ERC2: variants seen among roughly 807,000 people sequenced by gnomAD.
ERC2 encodes ELKS/RAB6-interacting/CAST family member 2, also known as ERC protein 2.
Under a neutral mutation model 114.8 loss-of-function variants are expected in ERC2, and 42 were observed. The ratio of observed to expected loss-of-function variants is 0.37; its 90% confidence interval spans 0.29 to 0.47. The LOEUF is 0.47. Ranked by LOEUF, ERC2 falls within the 20% of genes least tolerant of loss-of-function variation. ERC2 has a pLI of 0.99. For missense variants in ERC2, 939 were observed against 1,150.7 expected, an observed-to-expected ratio of 0.82 and a Z score of 2.66; for synonymous variants, 454 against 425.5, an observed-to-expected ratio of 1.07 and a Z score of -0.82.
At chr3:55,579,510 A>G (rs544283437) in intron 17 of ERC2, among the ~76,000 whole-genome samples, 1 of 152,366 alleles carries the variant, frequency 6.6e-6, no homozygotes, top group African/African-American at 2.4e-5. Flanking sequence ...TTTGCTGCAC[A>G]TGCTTGCTCT....
At chr3:55,586,834 C>T (rs1575670376) in intron 17 of ERC2, among the ~76,000 whole-genome samples, 1 of 152,278 alleles carries the variant, frequency 6.6e-6, no homozygotes, top group African/African-American at 2.4e-5. Flanking sequence ...ATTTAAAACA[C>T]TTATGTAGCC....
chr3:56,128,926 T>C (rs1289472829), intron 6 of ERC2, among the ~76,000 whole-genome samples: 1 of 152,236 alleles, frequency 6.6e-6, no homozygotes, highest in South Asian at 2.1e-4. Flanking sequence ...AGTAGTATTG[T>C]AGGAGCCAGA....
At chr3:56,039,780 C>G (rs2075022594) in intron 7 of ERC2, among the ~76,000 whole-genome samples, 1 of 152,130 alleles carries the variant, frequency 6.6e-6, no homozygotes, top group African/African-American at 2.4e-5. Flanking sequence ...CAGTAAGGTG[C>G]TGGCATAAAA....
intron 7 of ERC2, among the ~76,000 whole-genome samples, chr3:56,023,767 A>AAAGGAAGGAAGGAAGGAAGGAAGG (rs768746262): frequency 0.047 from 2,352 of 49,580 alleles, 54 homozygotes; most frequent in African/African-American, 0.056. Context: ...ATGAATGAAA[A>AAAGGAAGGAAGGAAGGAAGGAAGG]AAGGAATGAA....
At chr3:56,300,290 A>G (rs1217831370) in intron 2 of ERC2, among the ~76,000 whole-genome samples, 15 of 151,796 alleles carry the variant, frequency 9.9e-5, no homozygotes, top group Non-Finnish European at 1.8e-4. Flanking sequence ...CAAAAAAAAA[A>G]AAAAAGAAAA....
rs1178172687 is a variant in ERC2 at position 56,170,585 on chromosome 3, G to GTTT, written c.1149+2858_1149+2860dup. ...CAATTTAGTCTAAGAAATCTCTTCT[G>GTTT]TTTTTTTTTTTTTTTTTTTTTTTTT... is the stretch of plus-strand genomic sequence containing the variant. On this transcript the variant is annotated intron_variant, in intron 4 of 17. Coordinates refer to ENST00000288221, the MANE Select transcript of ERC2 (RefSeq NM_015576.3). Among the ~76,000 whole-genome samples, 113 of 61,754 alleles carry GTTT rather than the reference G, an allele frequency of 1.8e-3. 11 individuals are homozygous for GTTT. The highest frequency in any genetic ancestry group is 6.1e-3 in the African/African-American group (98 of 16,156). The allele number at this position is 61,754 out of a possible 152,430, so 40.5% of individuals were successfully genotyped here.
At chr3:55,768,701 C>G (rs904754975) in intron 14 of ERC2, among the ~76,000 whole-genome samples, 5 of 151,978 alleles carry the variant, frequency 3.3e-5, no homozygotes, top group Non-Finnish European at 5.9e-5. Context: ...CGCTGTGAGG[C>G]AAGTATGAGC....
chr3:56,031,937 T>C (rs748023909), intron 7 of ERC2, among the ~76,000 whole-genome samples: 6 of 152,194 alleles, frequency 3.9e-5, no homozygotes. Context: ...TGGAGCCTAA[T>C]GGGAGGTGTT....
At chr3:56,059,096 TA>T (rs1415088471) in intron 7 of ERC2, among the ~76,000 whole-genome samples, 7 of 85,876 alleles carry the variant, frequency 8.2e-5, no homozygotes, top group African/African-American at 2.3e-4. Flanking sequence ...TTATTTTTTT[TA>T]TTTTTTTTTT....
chr3:56,282,957 G>C (rs1028895579), intron 3 of ERC2, among the ~76,000 whole-genome samples: 1 of 152,172 alleles, frequency 6.6e-6, no homozygotes, highest in Non-Finnish European at 1.5e-5. Context: ...AAGAAGAAAA[G>C]ATAATGAGTT....
chr3:56,207,124 T>C (rs1039044072), intron 3 of ERC2, among the ~76,000 whole-genome samples: 4 of 151,818 alleles, frequency 2.6e-5, no homozygotes, highest in African/African-American at 7.3e-5. Context: ...CTCTAATATG[T>C]TTGCTGTGGG....
At chr3:56,283,300 T>C (rs368121027) in intron 3 of ERC2, among the ~76,000 whole-genome samples, 1 of 152,174 alleles carries the variant, frequency 6.6e-6, no homozygotes, top group East Asian at 1.9e-4. Context: ...GGAACACCAC[T>C]GTGTATCATG....
chr3:56,459,684 T>C (rs1218082092), intron 1 of ERC2, among the ~76,000 whole-genome samples: 1 of 152,242 alleles, frequency 6.6e-6, no homozygotes, highest in African/African-American at 2.4e-5. Flanking sequence ...ATCTCACAGA[T>C]GCCCTTCCAA....
At chr3:55,756,071 A>T (rs1575499324) in intron 14 of ERC2, among the ~76,000 whole-genome samples, 1 of 152,208 alleles carries the variant, frequency 6.6e-6, no homozygotes, top group African/African-American at 2.4e-5. Flanking sequence ...AAGCTGAAAA[A>T]TACGTCAGGC....
At chr3:56,172,447 C>G (rs974234414) in intron 4 of ERC2, among the ~76,000 whole-genome samples, 2 of 152,162 alleles carry the variant, frequency 1.3e-5, no homozygotes, top group South Asian at 4.1e-4. Context: ...GTATTAGTTT[C>G]TTTTCCCTCA....
At chr3:56,314,909 A>G (rs1360175691) in intron 2 of ERC2, among the ~76,000 whole-genome samples, 1 of 152,196 alleles carries the variant, frequency 6.6e-6, no homozygotes, top group East Asian at 1.9e-4. Context: ...TTCTAGCTCC[A>G]TGTACCAGTC....
chr3:56,385,168 T>G (rs1171013715), intron 2 of ERC2, among the ~76,000 whole-genome samples: 1 of 152,204 alleles, frequency 6.6e-6, no homozygotes, highest in South Asian at 2.1e-4. Flanking sequence ...AATAGAAAAT[T>G]TATTTCTTAT....
intron 17 of ERC2, among the ~76,000 whole-genome samples, chr3:55,517,497 T>C (rs879522423): frequency 2.9e-4 from 44 of 152,246 alleles, no homozygotes; most frequent in Admixed American, 6.5e-4. Flanking sequence ...TGTTTCCTTT[T>C]TAAAGAAATA....
intron 4 of ERC2, among the ~76,000 whole-genome samples, chr3:56,164,849 T>A (rs2082244562): frequency 1.3e-5 from 2 of 152,220 alleles, no homozygotes; most frequent in South Asian, 4.1e-4. Flanking sequence ...TGACGAATGA[T>A]GTTCAGTATT....
Sources: gnomAD v4.1 joint callset for allele counts (sites outside exome capture counted in the v4.1 genomes callset) on GRCh38, gnomAD v4.1.1 for gene constraint, MANE v1.5 for transcripts, NCBI Gene and HGNC (gene_info 2026-07-23, HGNC 2026-07-21) for gene names.